The following PRKCA variants were observed in gnomAD, a reference collection of about 807,000 sequenced individuals.
PRKCA encodes the protein protein kinase C alpha.
Under a neutral mutation model 87.0 loss-of-function variants are expected in PRKCA, and 27 were observed. That is an observed-to-expected ratio of 0.31 (90% CI 0.23 to 0.43). The LOEUF (loss-of-function observed/expected upper bound fraction) is 0.43. Ranked by LOEUF, PRKCA falls within the 20% of genes least tolerant of loss-of-function variation. The pLI is 1.00. For synonymous variants in PRKCA, 329 were observed against 311.1 expected, an observed-to-expected ratio of 1.06 and a Z score of -0.61; for missense variants, 518 against 852.3, an observed-to-expected ratio of 0.61 and a Z score of 4.88.
At position 66,450,908 on chromosome 17, in the gene PRKCA, C is replaced by T. The variant is rs370867980; in HGVS notation, c.206-45293C>T. Among the ~76,000 whole-genome samples the T allele has an allele frequency of 2.6e-4, 39 of 152,322 alleles. 1 individual carries two copies. Among genetic ancestry groups the T allele is most frequent in the Middle Eastern group, 3.4e-3 (1 of 294 alleles). ...TTGATGAAAATAGCACTGTTTGGAA[C>T]TGTGATGCAGGGGTTTACTGCTGAG... On this transcript the variant is annotated intron_variant, in intron 2 of 16. Transcript: ENST00000413366.
intron 3 of PRKCA, among the ~76,000 whole-genome samples, chr17:66,583,693 G>A (rs78069700): frequency 0.015 from 2,351 of 152,070 alleles, 70 homozygotes; most frequent in African/African-American, 0.053. Context: ...ATTATGTTAC[G>A]GTGGTGGGAT....
At chr17:66,554,552 C>T (rs957315256) in intron 3 of PRKCA, 1 of 965,428 alleles carries the variant, frequency 1.0e-6, no homozygotes. Flanking sequence ...CTGCCTCTAC[C>T]TTTTGAGATC....
chr17:66,572,524 C>G (rs545718443), intron 3 of PRKCA, among the ~76,000 whole-genome samples: 1 of 152,252 alleles, frequency 6.6e-6, no homozygotes, highest in Admixed American at 6.5e-5. Flanking sequence ...GATGAACCAC[C>G]TTTCCAGAAA....
At chr17:66,741,533 T>A in intron 11 of PRKCA, 126 bp from the exon 12 acceptor site, 5 of 962,004 alleles carry the variant, frequency 5.2e-6, no homozygotes, top group Non-Finnish European at 4.8e-6. Flanking sequence ...AAGAACACGA[T>A]GCTGGTCTCT....
intron 16 of PRKCA, among the ~76,000 whole-genome samples, chr17:66,789,434 A>G (rs1007789832): frequency 6.6e-6 from 1 of 152,232 alleles, no homozygotes; most frequent in African/African-American, 2.4e-5. Flanking sequence ...GCAACTAGGC[A>G]GGGCCTGGGC....
intron 2 of PRKCA, among the ~76,000 whole-genome samples, chr17:66,466,200 C>T (rs927656003): frequency 6.6e-6 from 1 of 152,156 alleles, no homozygotes; most frequent in African/African-American, 2.4e-5. Flanking sequence ...TCACTCTAGA[C>T]GCCTGTACCT....
intron 2 of PRKCA, among the ~76,000 whole-genome samples, chr17:66,402,414 A>T (rs1195088696): frequency 8.2e-5 from 11 of 133,680 alleles, no homozygotes; most frequent in South Asian, 7.6e-4. Flanking sequence ...AGGCCAAGAA[A>T]TTTTTTTTTT....
At chr17:66,796,596 C>A (rs1325732944) in intron 16 of PRKCA, 1 of 985,202 alleles carries the variant, frequency 1.0e-6, no homozygotes, top group Non-Finnish European at 1.2e-6. Flanking sequence ...ATGCACGTAG[C>A]CCGTTCCCTG....
intron 2 of PRKCA, among the ~76,000 whole-genome samples, chr17:66,336,956 T>A (rs1411221626): frequency 6.6e-6 from 1 of 151,934 alleles, no homozygotes; most frequent in African/African-American, 2.4e-5. Flanking sequence ...GTCCAGCTAA[T>A]TTTTTTGTAC....
At chr17:66,780,693 A>G (rs1975184573) in intron 14 of PRKCA, among the ~76,000 whole-genome samples, 1 of 151,920 alleles carries the variant, frequency 6.6e-6, no homozygotes, top group South Asian at 2.1e-4. Context: ...AGAGAAAATA[A>G]TATAAGAAAG....
intron 2 of PRKCA, among the ~76,000 whole-genome samples, chr17:66,424,569 ACACAC>A (rs1394266831): frequency 1.2e-3 from 5 of 4,084 alleles, no homozygotes; most frequent in South Asian, 0.023. Context: ...CCTGTCTCAA[ACACAC>A]ACACACACAC....
chr17:66,627,143 T>G (rs983899538), intron 3 of PRKCA, among the ~76,000 whole-genome samples: 1 of 152,236 alleles, frequency 6.6e-6, no homozygotes, highest in African/African-American at 2.4e-5. Flanking sequence ...ATTAGGTATT[T>G]GTTTTGCTTT....
chr17:66,312,562 C>T (rs773381962), intron 2 of PRKCA, among the ~76,000 whole-genome samples: 18 of 152,206 alleles, frequency 1.2e-4, no homozygotes, highest in Middle Eastern at 3.4e-3. Context: ...TTCTTCCTAT[C>T]CCTGGGTCAT....
chr17:66,576,137 T>C (rs1567908632), intron 3 of PRKCA, among the ~76,000 whole-genome samples: 1 of 152,040 alleles, frequency 6.6e-6, no homozygotes. Flanking sequence ...GAAACAAATA[T>C]TCATCTAATA....
chr17:66,585,237 G>C (rs1280211589), intron 3 of PRKCA, among the ~76,000 whole-genome samples: 1 of 152,106 alleles, frequency 6.6e-6, no homozygotes, highest in Non-Finnish European at 1.5e-5. Flanking sequence ...GCGCCATGTT[G>C]CCTGCTTCTT....
intron 2 of PRKCA, among the ~76,000 whole-genome samples, chr17:66,398,902 T>A (rs1910842570): frequency 6.6e-6 from 1 of 152,144 alleles, no homozygotes; most frequent in Non-Finnish European, 1.5e-5. Flanking sequence ...ACTTTAAAAA[T>A]CGAACTTCTC....
Position 66,314,515 on chromosome 17 carries a change from CA to C in PRKCA, c.205+8390del, listed in dbSNP as rs1391553580. Among the ~76,000 whole-genome samples the C allele has an allele frequency of 8.5e-5, 13 of 152,258 alleles. No individual in the cohort carries two copies. In the East Asian group the frequency reaches 2.1e-3, roughly 25 times the overall value. On this transcript the variant is annotated intron_variant, in intron 2 of 16. Transcript: ENST00000413366. ...GCACGAGATAAGAATTATTTGAGAG[CA>C]AGTCCATCAAGTAAGATTAGCGTAA...
chr17:66,704,129 C>A lies in PRKCA; in HGVS notation c.918+15082C>A, dbSNP rs981959446. Reference sequence around the variant, plus strand: ...ATTGTGTAGTGCCTGACTATAAAACCTTTTTCTACATTTATAATCTCAGCA... The same window carrying A: ...ATTGTGTAGTGCCTGACTATAAAACATTTTTCTACATTTATAATCTCAGCA... On this transcript the variant is annotated intron_variant, in intron 8 of 16. Coordinates refer to ENST00000413366, the MANE Select transcript of PRKCA (RefSeq NM_002737.3). Among the ~76,000 whole-genome samples, 5 of 150,666 alleles carry A rather than the reference C, an allele frequency of 3.3e-5. No individual in the cohort carries two copies. The East Asian group carries it at 9.7e-4, about 29-fold the overall frequency.
At chr17:66,568,574 T>C (rs903296035) in intron 3 of PRKCA, among the ~76,000 whole-genome samples, 1 of 152,158 alleles carries the variant, frequency 6.6e-6, no homozygotes, top group Admixed American at 6.5e-5. Context: ...CTCATTCGTA[T>C]AGCTGGTGTG....
Sources: allele counts gnomAD v4.1 joint callset (sites outside exome capture counted in the v4.1 genomes callset), GRCh38; gene constraint gnomAD v4.1.1; transcripts MANE v1.5; gene names NCBI Gene and HGNC (gene_info 2026-07-23, HGNC 2026-07-21).